Variants in SRGAP1 observed in about 807,000 individuals in gnomAD.
SRGAP1 encodes the protein SLIT-ROBO Rho GTPase activating protein 1.
SRGAP1 carries 43 observed loss-of-function variants against 121.9 expected under a neutral mutation model. The ratio of observed to expected loss-of-function variants is 0.35; its 90% CI spans 0.28 to 0.46. The LOEUF (loss-of-function observed/expected upper bound fraction) is 0.46, where lower values mean the gene tolerates loss of function less well. Among genes scored for constraint, SRGAP1 ranks in the 20% least tolerant of loss-of-function variants. The pLI is 1.00. For missense variants in SRGAP1, 1,102 were observed against 1,350.9 expected, an observed-to-expected ratio of 0.82 and a Z score of 2.89; for synonymous variants, 447 against 485.4, an observed-to-expected ratio of 0.92 and a Z score of 1.04.
At position 64,032,363 on chromosome 12, in the gene SRGAP1, G is replaced by A. The variant is rs533925876; in HGVS notation, c.490-10427G>A. ...CTCCCACCTGGCTGTGTCAATGGTA[G>A]TATGAGATACTTTCATTTTTTTACA... is the stretch of plus-strand genomic sequence containing the variant. On this transcript the variant is annotated intron_variant, in intron 4 of 21. Transcript: ENST00000355086. The A allele has an allele frequency of 9.6e-5, 40 of 415,858 alleles. 1 individual carries two copies. Among genetic ancestry groups the A allele is most frequent in the African/African-American group, 7.1e-4 (34 of 47,908 alleles). 25.8% of individuals were successfully genotyped at this position (415,858 alleles called of 1,614,324 possible).
At chr12:64,003,371 G>A (rs2033969178) in intron 3 of SRGAP1, among the ~76,000 whole-genome samples, 2 of 150,574 alleles carry the variant, frequency 1.3e-5, no homozygotes, top group Admixed American at 1.3e-4. Context: ...ACAGGCTTGA[G>A]CCATCATGTC....
intron 4 of SRGAP1, among the ~76,000 whole-genome samples, chr12:64,042,304 G>GT (rs776955044): frequency 1.7e-4 from 26 of 152,072 alleles, no homozygotes; most frequent in African/African-American, 5.3e-4. Flanking sequence ...GAAAAACAAT[G>GT]TTTTTTCAAC....
chr12:64,085,454 T>A (rs1481159099), intron 10 of SRGAP1, among the ~76,000 whole-genome samples: 1 of 152,198 alleles, frequency 6.6e-6, no homozygotes, highest in Non-Finnish European at 1.5e-5. Context: ...CACATTCTAC[T>A]GCCTCACACT....
intron 6 of SRGAP1, among the ~76,000 whole-genome samples, chr12:64,060,907 A>G (rs2136533977): frequency 6.6e-6 from 1 of 152,338 alleles, no homozygotes; most frequent in South Asian, 2.1e-4. Context: ...AGAGCCTAGC[A>G]TATTCCCTGG....
intron 1 of SRGAP1, among the ~76,000 whole-genome samples, chr12:63,940,210 C>G (rs541866890): frequency 6.6e-6 from 1 of 152,132 alleles, no homozygotes; most frequent in Non-Finnish European, 1.5e-5. Flanking sequence ...GATCCACACG[C>G]CTCGCCCTCC....
At chr12:63,878,945 C>T (rs1045195556) in intron 1 of SRGAP1, 2 of 152,206 alleles carry the variant, frequency 1.3e-5, no homozygotes, top group Admixed American at 6.6e-5. Context: ...TTCTTTCAAT[C>T]TTGAATGAGA....
chr12:63,927,833 T>C (rs537950146), intron 1 of SRGAP1, among the ~76,000 whole-genome samples: 1 of 151,542 alleles, frequency 6.6e-6, no homozygotes, highest in African/African-American at 2.4e-5. Flanking sequence ...CTGGGAACCC[T>C]TGAGAACAGC....
intron 3 of SRGAP1, among the ~76,000 whole-genome samples, chr12:63,995,548 T>C (rs1230346844): frequency 6.6e-6 from 1 of 152,156 alleles, no homozygotes. Flanking sequence ...TTCTGAGAAA[T>C]AGGACACTAT....
intron 8 of SRGAP1, among the ~76,000 whole-genome samples, chr12:64,075,502 T>TG (rs1265630510): frequency 6.6e-6 from 1 of 152,204 alleles, no homozygotes; most frequent in East Asian, 1.9e-4. Flanking sequence ...GGCCAGATTT[T>TG]GGGGGGCTTG....
chr12:64,012,673 C>T (rs1421775103), intron 3 of SRGAP1, among the ~76,000 whole-genome samples: 1 of 149,438 alleles, frequency 6.7e-6, no homozygotes, highest in African/African-American at 2.5e-5. Flanking sequence ...CCACCTCAGC[C>T]TCTCATAGCT....
chr12:64,009,116 A>G (rs1362808024), intron 3 of SRGAP1, among the ~76,000 whole-genome samples: 1 of 152,166 alleles, frequency 6.6e-6, no homozygotes, highest in Non-Finnish European at 1.5e-5. Flanking sequence ...TAATAGTGAG[A>G]AATTGCTCAT....
intron 1 of SRGAP1, among the ~76,000 whole-genome samples, chr12:63,960,819 G>A (rs1565970984): frequency 6.6e-6 from 1 of 152,152 alleles, no homozygotes; most frequent in Non-Finnish European, 1.5e-5. Context: ...TGTGCTTTCA[G>A]TCCAGGGCCA....
At chr12:64,090,896 C>T (rs185684394) in intron 11 of SRGAP1, among the ~76,000 whole-genome samples, 96 of 152,236 alleles carry the variant, frequency 6.3e-4, no homozygotes, top group African/African-American at 2.0e-3. Flanking sequence ...ATTTGGGGAT[C>T]TACCGGAGCC....
rs1408641849 is a variant in SRGAP1 at position 64,160,080 on chromosome 12, T to A, written c.*17408T>A. The A allele has an allele frequency of 6.6e-6, 1 of 152,182 alleles. No homozygotes were observed. The highest frequency in any genetic ancestry group is 1.5e-5 in the Non-Finnish European group (1 of 68,028). The allele number at this position is 152,182 out of a possible 1,614,324, so 9.4% of individuals were successfully genotyped here. A position where few individuals can be genotyped will look rare whatever the true frequency, so the allele number is the denominator to read the frequency against. ...CTCAATGCATTGAAACATGCTATAG[T>A]TTATAAATCTTGGATCCATCACTTA... is the stretch of plus-strand genomic sequence containing the variant. On this transcript the variant is annotated 3_prime_UTR_variant, in exon 22 of 22. Coordinates refer to ENST00000355086, the MANE Select transcript of SRGAP1 (RefSeq NM_020762.4).
intron 10 of SRGAP1, 148 bp downstream of exon 10, chr12:64,080,518 AT>A (rs1286201248): frequency 1.3e-6 from 1 of 756,870 alleles, no homozygotes; most frequent in East Asian, 2.7e-5. Context: ...ATATGTCATG[AT>A]TAAGTTCTCC....
At chr12:64,008,817 G>A (rs1168580474) in intron 3 of SRGAP1, among the ~76,000 whole-genome samples, 1 of 152,072 alleles carries the variant, frequency 6.6e-6, no homozygotes, top group Admixed American at 6.6e-5. Flanking sequence ...TTATAAATGA[G>A]CAAATTTCCT....
chr12:64,129,249 G>A (rs1456028344), intron 21 of SRGAP1, among the ~76,000 whole-genome samples: 1 of 152,100 alleles, frequency 6.6e-6, no homozygotes, highest in Non-Finnish European at 1.5e-5. Flanking sequence ...GCAGGCTGAG[G>A]AGCAAGGAGA....
chr12:64,136,606 GTTCT>G (rs1471521799), intron 21 of SRGAP1, among the ~76,000 whole-genome samples: 1 of 152,170 alleles, frequency 6.6e-6, no homozygotes, highest in Admixed American at 6.5e-5. Context: ...TATTTTGAGT[GTTCT>G]AACTAAAAAG....
At chr12:64,130,213 C>T (rs934304912) in intron 21 of SRGAP1, among the ~76,000 whole-genome samples, 1 of 152,094 alleles carries the variant, frequency 6.6e-6, no homozygotes, top group Non-Finnish European at 1.5e-5. Context: ...TCTTGATAGT[C>T]TGAGTCAGTC....
Sources: gnomAD v4.1 joint callset for allele counts (sites outside exome capture counted in the v4.1 genomes callset) on GRCh38, gnomAD v4.1.1 for gene constraint, MANE v1.5 for transcripts, NCBI Gene and HGNC (gene_info 2026-07-23, HGNC 2026-07-21) for gene names.